Variants in TAS2R1 observed in about 807,000 individuals in gnomAD.
The protein encoded by TAS2R1 is taste 2 receptor member 1.
For missense variants in TAS2R1, 370 were observed against 353.4 expected, an observed-to-expected ratio of 1.05 and a Z score of -0.38; for synonymous variants, 141 against 134.2, an observed-to-expected ratio of 1.05 and a Z score of -0.35.
At position 9,662,208 on chromosome 5, in the gene TAS2R1, C is replaced by T. The variant is rs1207860092; in HGVS notation, c.-241-2627G>A. On this transcript the variant is annotated intron_variant, in intron 1 of 2. Transcript: ENST00000506620. ...AAAATCTACTCCTTGATGAGAAGAG[C>T]AATAAGTCACATTGCAAAAAGGCAC... Among the ~76,000 whole-genome samples the T allele has an allele frequency of 2.6e-5, 4 of 152,120 alleles. 1 individual carries two copies. The Middle Eastern group carries it at 9.5e-3, about 361-fold the overall frequency.
chr5:9,838,534 A>G, the TAS2R1 span, among the ~76,000 whole-genome samples: 1 of 152,226 alleles, frequency 6.6e-6, no homozygotes, highest in Non-Finnish European at 1.5e-5. Context: ...ACATGATGTG[A>G]AATGACACCT....
the TAS2R1 span, among the ~76,000 whole-genome samples, chr5:9,892,910 T>C: frequency 9.1e-4 from 138 of 152,338 alleles, no homozygotes; most frequent in African/African-American, 3.2e-3. Flanking sequence ...TGCATTCATT[T>C]GCCCTTGTGG....
chr5:9,652,314 C>T (rs1341581584), intron 2 of TAS2R1, among the ~76,000 whole-genome samples: 1 of 152,190 alleles, frequency 6.6e-6, no homozygotes, highest in African/African-American at 2.4e-5. Flanking sequence ...GCTCTTTTTC[C>T]TGGAAACACA....
chr5:9,698,621 C>T (rs988078649), intron 1 of TAS2R1, among the ~76,000 whole-genome samples: 1 of 152,072 alleles, frequency 6.6e-6, no homozygotes. Flanking sequence ...GGGAAATAGC[C>T]TCCAGACACA....
chr5:9,827,598 GCACACACACACACACA>G, the TAS2R1 span, among the ~76,000 whole-genome samples: 1 of 147,324 alleles, frequency 6.8e-6, no homozygotes, highest in Non-Finnish European at 1.5e-5. Context: ...GTGGTGGCAT[GCACACACACACACACA>G]CACACACACA....
the TAS2R1 span, among the ~76,000 whole-genome samples, chr5:9,734,581 C>T: frequency 6.6e-6 from 1 of 152,242 alleles, no homozygotes; most frequent in South Asian, 2.1e-4. Context: ...GCTTACAATG[C>T]TTTGCCAAAT....
the TAS2R1 span, among the ~76,000 whole-genome samples, chr5:9,800,999 C>T: frequency 6.6e-6 from 1 of 152,134 alleles, no homozygotes; most frequent in Non-Finnish European, 1.5e-5. Flanking sequence ...TGAGAACAGC[C>T]TTGTAAACAT....
At position 9,629,925 on chromosome 5, in the gene TAS2R1, G is replaced by C; in HGVS notation, c.108C>G (p.Ile36Met). 1 of 1,613,880 alleles carries C rather than the reference G, an allele frequency of 6.2e-7. No individual in the cohort carries two copies. The highest frequency in any genetic ancestry group is 8.5e-7 in the Non-Finnish European group (1 of 1,179,998). ...CCAGCGGAGCCATTTTTCTGTGCTT[G>C]ATCAAGTCAATGCCATTCACCACCA... ...IIVVVNGIDL[I>M]KHRKMAPLDL... is the part of the protein sequence containing the mutation. The change falls in exon 1 of 1, where the codon ATC becomes ATG. Residue 36 changes from isoleucine to methionine, a missense_variant. By Grantham distance (10) the Ile-to-Met change is conservative. Coordinates refer to ENST00000382492, the MANE Select transcript of TAS2R1 (RefSeq NM_019599.3).
rs563064468 is a variant in TAS2R1, at chr5:9,628,802, A to C, written c.*331T>G. The stretch of plus-strand genomic sequence containing the variant: ...AAACTTTTAATTTTGAAATAATTGT[A>C]GATTTGAATGCATTTGTAAGAAGGA... On this transcript the variant is annotated 3_prime_UTR_variant, in exon 1 of 1. Coordinates refer to ENST00000382492, the MANE Select transcript of TAS2R1 (RefSeq NM_019599.3). Among the ~76,000 whole-genome samples the C allele has an allele frequency of 6.6e-6, 1 of 152,334 alleles. No homozygotes were observed. The highest frequency in any genetic ancestry group is 2.4e-5 in the African/African-American group (1 of 41,578).
rs143274151 is a variant in TAS2R1 at position 9,628,548 on chromosome 5, G to T, written c.*585C>A. Among the ~76,000 whole-genome samples, 4 of 152,204 alleles carry T rather than the reference G, an allele frequency of 2.6e-5. No individual in the cohort carries two copies. Among genetic ancestry groups the T allele is most frequent in the African/African-American group, 9.6e-5 (4 of 41,520 alleles). On this transcript the variant is annotated 3_prime_UTR_variant, in exon 1 of 1. Coordinates refer to ENST00000382492, the MANE Select transcript of TAS2R1 (RefSeq NM_019599.3). ...GAATATGCTTATAAGGATGGAGAAG[G>T]CCTGCTTGTCCTTGCTTCCTTTGTG...
At chr5:9,756,018 C>T in the TAS2R1 span, among the ~76,000 whole-genome samples, 7 of 152,324 alleles carry the variant, frequency 4.6e-5, no homozygotes, top group South Asian at 1.4e-3. Context: ...TCTGGGAATG[C>T]AGACCAGTAG....
the TAS2R1 span, among the ~76,000 whole-genome samples, chr5:9,728,638 C>T: frequency 6.6e-6 from 1 of 152,178 alleles, no homozygotes; most frequent in South Asian, 2.1e-4. Context: ...GGGATGAGAG[C>T]TGCTGGGAAG....
the TAS2R1 span, among the ~76,000 whole-genome samples, chr5:9,889,396 G>A: frequency 6.6e-6 from 1 of 152,178 alleles, no homozygotes; most frequent in African/African-American, 2.4e-5. Flanking sequence ...TCTGGCTGAC[G>A]TAGGACCACA....
At chr5:9,817,242 C>A in the TAS2R1 span, among the ~76,000 whole-genome samples, 5 of 152,190 alleles carry the variant, frequency 3.3e-5, no homozygotes, top group African/African-American at 1.2e-4. Context: ...ATACCCCTAA[C>A]TGAAAACAGC....
rs60700515 is a variant in TAS2R1 at position 9,676,030 on chromosome 5, T to C, written c.-241-16449A>G. 1.2e-3 allele frequency among the ~76,000 whole-genome samples: 190 copies of C among 152,322 alleles called. 1 individual carries two copies. Among genetic ancestry groups the C allele is most frequent in the African/African-American group, 4.3e-3 (180 of 41,580 alleles). On this transcript the variant is annotated intron_variant, in intron 1 of 2. Transcript: ENST00000506620. ...TTACTATGTTGAGATAAATTCCTTT[T>C]ATTCCTAGCTTGTTGAGAGATTTAA...
the TAS2R1 span, among the ~76,000 whole-genome samples, chr5:9,761,811 A>C: frequency 6.6e-6 from 1 of 152,226 alleles, no homozygotes; most frequent in Admixed American, 6.5e-5. Flanking sequence ...TGCTCAGACC[A>C]CATCTTAGCC....
chr5:9,859,027 T>C, the TAS2R1 span, among the ~76,000 whole-genome samples: 27 of 152,300 alleles, frequency 1.8e-4, no homozygotes, highest in African/African-American at 6.3e-4. Context: ...ATAGCTGTGT[T>C]TAAAGTGTCA....
chr5:9,753,936 T>C, the TAS2R1 span, among the ~76,000 whole-genome samples: 50 of 152,304 alleles, frequency 3.3e-4, no homozygotes, highest in East Asian at 8.9e-3. Context: ...TACCATGCTG[T>C]TTTGGTCACT....
the TAS2R1 span, among the ~76,000 whole-genome samples, chr5:9,835,609 C>G: frequency 1.7e-4 from 26 of 152,304 alleles, no homozygotes; most frequent in African/African-American, 5.5e-4. Flanking sequence ...ACAGCCAGAC[C>G]TCAGGCAACC....
Sources: gnomAD v4.1 joint callset for allele counts (sites outside exome capture counted in the v4.1 genomes callset) on GRCh38, gnomAD v4.1.1 for gene constraint, MANE v1.5 for transcripts, NCBI Gene and HGNC (gene_info 2026-07-23, HGNC 2026-07-21) for gene names.